The following TLCD3B variants were observed in gnomAD, a reference collection of about 807,000 sequenced individuals.
TLCD3B encodes ceramide synthase.
TLCD3B carries 9 observed loss-of-function variants against 23.0 expected under a neutral mutation model. The observed-to-expected ratio is 0.39, with a 90% CI of 0.24 to 0.68. The LOEUF is 0.68. Among genes scored for constraint, TLCD3B ranks in the 30% least tolerant of loss-of-function variants. TLCD3B has a pLI of 0.44. For synonymous variants in TLCD3B, 161 were observed against 161.0 expected (o/e 1.00, Z 0.00); for missense variants, 307 against 371.8 (o/e 0.83, Z 1.43).
Position 30,025,204 on chromosome 16 carries a change from CG to C in TLCD3B, c.803del (p.Pro268ArgfsTer93). ...RLFWPRSRPP[P>X]ACQAQD ...GGCCTCAGTCCTGGGCCTGGCAGGC[CG>C]GGGGCGGCCGGGAGCGGGGCCAGAA... On this transcript the variant is annotated frameshift_variant, in exon 5 of 5. Coordinates refer to ENST00000380495, the MANE Select transcript of TLCD3B (RefSeq NM_031478.6). LOFTEE classifies it high-confidence loss of function. The surrounding 1 kb of genome is among the most constrained non-coding windows in gnomAD (Gnocchi z 4.1). 6.7e-7 allele frequency: 1 copy of C among 1,485,096 alleles called. No individual in the cohort carries two copies. The highest frequency in any genetic ancestry group is 8.9e-7 in the Non-Finnish European group (1 of 1,122,310). The allele number at this position is 1,485,096 out of a possible 1,614,324, so 92.0% of individuals were successfully genotyped here.
chr16:30,051,626 T>G (rs185814907), intron 1 of TLCD3B, among the ~76,000 whole-genome samples: 5 of 151,768 alleles, frequency 3.3e-5, no homozygotes, highest in Non-Finnish European at 5.9e-5. Flanking sequence ...GTACTAGAGC[T>G]CAGGATACGG....
intron 2 of TLCD3B, among the ~76,000 whole-genome samples, chr16:30,041,576 G>T (rs1014192663): frequency 1.3e-5 from 2 of 151,892 alleles, no homozygotes; most frequent in Non-Finnish European, 2.9e-5. Context: ...CAAAAAATTA[G>T]CTGGGCATGG....
intron 3 of TLCD3B, among the ~76,000 whole-genome samples, chr16:30,040,147 A>AAAAAAAAAATAT: frequency 2.4e-4 from 23 of 95,898 alleles, no homozygotes; most frequent in African/African-American, 8.7e-4. Context: ...AAAAAAAAAA[A>AAAAAAAAAATAT]ATATATATAT....
intron 1 of TLCD3B, 52 bp downstream of exon 1, chr16:30,030,351 C>T (rs1302051705): frequency 7.4e-6 from 11 of 1,495,892 alleles, no homozygotes; most frequent in Non-Finnish European, 9.9e-6. Flanking sequence ...CCTTCCATTC[C>T]CTGAGAAGCC....
At position 30,024,461 on chromosome 16, in the gene TLCD3B, T is replaced by C. The variant is rs879506440; in HGVS notation, c.*722A>G. ...CGCAGATCGTCTTTTATTAGCGGTC[T>C]GTAAAGCACCTCCCAGGGTCCCCCG... is the stretch of plus-strand genomic sequence containing the variant. On this transcript the variant is annotated 3_prime_UTR_variant, in exon 5 of 5. Coordinates refer to ENST00000380495, the MANE Select transcript of TLCD3B (RefSeq NM_031478.6). The C allele has an allele frequency of 1.2e-4, 75 of 609,756 alleles. No homozygotes were observed. Among genetic ancestry groups the C allele is most frequent in the Admixed American group, 2.4e-4 (8 of 32,912 alleles). The allele number at this position is 609,756 out of a possible 1,614,324, so 37.8% of individuals were successfully genotyped here. A position where few individuals can be genotyped will look rare whatever the true frequency, so the allele number is the denominator to read the frequency against.
At chr16:30,036,078 C>A, upstream of TLCD3B, 1 of 1,208,654 alleles carries the variant, frequency 8.3e-7, no homozygotes, top group Non-Finnish European at 1.1e-6. Context: ...TACTCTTAAA[C>A]TCCACCATTT....
In TLCD3B at chr16:30,029,350, C is replaced by G. The variant is rs915733630; in HGVS notation, c.209+82G>C. On this transcript the variant is annotated intron_variant, in intron 2 of 4. Transcript: ENST00000380495. This position sits in a 1 kb window ranked among gnomAD's most constrained non-coding sequence, Gnocchi z 4.6. ...GCTTGGGGACCACAGACAGAGTTCC[C>G]TCCAAGATGTGGGGTCTTCCGGGAT... 5 of 1,290,894 alleles carry G rather than the reference C, an allele frequency of 3.9e-6. No individual in the cohort carries two copies. Among genetic ancestry groups the G allele is most frequent in the Non-Finnish European group, 5.5e-6 (5 of 901,372 alleles). 80.0% of individuals were successfully genotyped at this position (1,290,894 alleles called of 1,614,324 possible).
upstream of TLCD3B, among the ~76,000 whole-genome samples, chr16:30,035,766 C>CTTTTTTT (rs34249003): frequency 1.5e-5 from 2 of 137,178 alleles, no homozygotes; most frequent in African/African-American, 5.4e-5. Flanking sequence ...TTTCTTTTTT[C>CTTTTTTT]TTTTTTTTTT....
intron 1 of TLCD3B, among the ~76,000 whole-genome samples, chr16:30,048,669 A>T (rs556248270): frequency 3.0e-4 from 46 of 151,574 alleles, no homozygotes; most frequent in African/African-American, 1.1e-3. Flanking sequence ...ACATGATCTC[A>T]ACTCACTGCA....
At chr16:30,045,027 A>T (rs915352123) in intron 2 of TLCD3B, among the ~76,000 whole-genome samples, 1 of 135,136 alleles carries the variant, frequency 7.4e-6, no homozygotes, top group African/African-American at 2.7e-5. Context: ...CAGGAGGTGG[A>T]GATTTCAGTG....
Position 30,030,569 on chromosome 16 carries a change from G to T in TLCD3B, c.-42C>A. 1 of 1,530,012 alleles carries T rather than the reference G, an allele frequency of 6.5e-7. No homozygotes were observed. Among genetic ancestry groups the T allele is most frequent in the Non-Finnish European group, 8.7e-7 (1 of 1,143,808 alleles). The allele number at this position is 1,530,012 out of a possible 1,614,324, so 94.8% of individuals were successfully genotyped here. On this transcript the variant is annotated 5_prime_UTR_variant, in exon 1 of 5. Transcript: ENST00000380495. ...GGCAGGGAGGCAGGCGGGCCGTGAA[G>T]GGGCAGGGAGGCCGAGTGGAAGGAG...
At chr16:30,040,147 A>AAAAAAAATATAT in intron 3 of TLCD3B, among the ~76,000 whole-genome samples, 19 of 95,906 alleles carry the variant, frequency 2.0e-4, no homozygotes, top group East Asian at 2.4e-4. Flanking sequence ...AAAAAAAAAA[A>AAAAAAAATATAT]ATATATATAT....
At chr16:30,034,295 C>T (rs779875986), upstream of TLCD3B, among the ~76,000 whole-genome samples, 1 of 149,804 alleles carries the variant, frequency 6.7e-6, no homozygotes, top group Non-Finnish European at 1.5e-5. Context: ...AAGAAGAGGC[C>T]GGGTACAGTG....
At chr16:30,036,589 A>T (rs2071478457) in intron 3 of TLCD3B, 2 of 364,426 alleles carry the variant, frequency 5.5e-6, no homozygotes, top group South Asian at 2.3e-5. Context: ...ATGCTCTTCC[A>T]TTGGTGGAGT....
chr16:30,045,833 G>T (rs1018725442), intron 2 of TLCD3B, among the ~76,000 whole-genome samples: 5 of 151,860 alleles, frequency 3.3e-5, no homozygotes, highest in Non-Finnish European at 7.4e-5. Context: ...TGGTCAATGG[G>T]TGTTCAGGAC....
intron 1 of TLCD3B, among the ~76,000 whole-genome samples, chr16:30,051,741 T>C (rs943841570): frequency 2.0e-5 from 3 of 152,078 alleles, no homozygotes; most frequent in Admixed American, 2.0e-4. Flanking sequence ...CAACAGTATC[T>C]GTAGGATGCT....
chr16:30,026,290 C>G (rs1170960021), intron 3 of TLCD3B, among the ~76,000 whole-genome samples: 1 of 152,120 alleles, frequency 6.6e-6, no homozygotes, highest in Non-Finnish European at 1.5e-5. Flanking sequence ...CATGACTTGG[C>G]TGCATCCCTC....
At chr16:30,034,843 T>G (rs1172255459), upstream of TLCD3B, among the ~76,000 whole-genome samples, 1 of 151,960 alleles carries the variant, frequency 6.6e-6, no homozygotes, top group African/African-American at 2.4e-5. Flanking sequence ...CATTTACCAG[T>G]GAGGGATCTG....
upstream of TLCD3B, chr16:30,035,423 G>A (rs934875516): frequency 1.6e-6 from 2 of 1,289,614 alleles, no homozygotes. Flanking sequence ...CCAGCGCAGG[G>A]CAGTGAAGCA....
Sources: gnomAD v4.1 joint callset for allele counts (sites outside exome capture counted in the v4.1 genomes callset) on GRCh38, gnomAD v4.1.1 for gene constraint, Gnocchi (gnomAD v3.1) non-coding constraint, MANE v1.5 for transcripts, NCBI Gene and HGNC (gene_info 2026-07-23, HGNC 2026-07-21) for gene names.